OLFM3: variants seen among roughly 807,000 people sequenced by gnomAD.
OLFM3 encodes the protein olfactomedin 3.
A neutral mutation model predicts 48.6 loss-of-function variants in OLFM3; 20 were observed. The observed-to-expected ratio is 0.41, with a 90% CI of 0.29 to 0.60. OLFM3 has a LOEUF of 0.60. Ranked by LOEUF, OLFM3 falls within the 20% of genes least tolerant of loss-of-function variation. OLFM3 has a pLI of 0.28. For synonymous variants in OLFM3, 222 were observed against 198.1 expected (o/e 1.12, Z -1.01); for missense variants, 437 against 544.3 (o/e 0.80, Z 1.96).
intron 1 of OLFM3, among the ~76,000 whole-genome samples, chr1:101,991,040 T>TAC (rs1372850571): frequency 2.3e-4 from 26 of 114,604 alleles, no homozygotes; most frequent in African/African-American, 8.2e-4. Context: ...TATATATATA[T>TAC]ACTTCGTGGT....
intron 1 of OLFM3, among the ~76,000 whole-genome samples, chr1:101,984,432 C>G (rs1661180409): frequency 6.6e-6 from 1 of 152,092 alleles, no homozygotes; most frequent in African/African-American, 2.4e-5. Flanking sequence ...AAGCAGTGCT[C>G]TGTCGCCCAG....
chr1:101,830,912 A>G, intron 2 of OLFM3, 85 bp from the exon 3 acceptor site: 1 of 1,275,782 alleles, frequency 7.8e-7, no homozygotes, highest in Non-Finnish European at 1.1e-6. Context: ...TGCCGTTAAC[A>G]TAAAAACTAG....
At chr1:101,822,536 C>A (rs1654659543) in intron 4 of OLFM3, among the ~76,000 whole-genome samples, 1 of 152,048 alleles carries the variant, frequency 6.6e-6, no homozygotes, top group South Asian at 2.1e-4. Flanking sequence ...ACCTCCTCCT[C>A]AAAAGCAAGT....
chr1:101,913,544 A>G (rs759712706), intron 1 of OLFM3, among the ~76,000 whole-genome samples: 2 of 152,144 alleles, frequency 1.3e-5, no homozygotes, highest in Non-Finnish European at 2.9e-5. Context: ...GCCTACTTCC[A>G]CTTTAGAACT....
intron 1 of OLFM3, among the ~76,000 whole-genome samples, chr1:101,951,927 G>A (rs998884584): frequency 1.3e-5 from 2 of 152,060 alleles, no homozygotes; most frequent in African/African-American, 4.8e-5. Flanking sequence ...AAATGGAAAG[G>A]TGTTGATTGG....
chr1:101,837,289 C>A (rs895763929), intron 1 of OLFM3, among the ~76,000 whole-genome samples: 3 of 152,084 alleles, frequency 2.0e-5, no homozygotes, highest in Admixed American at 6.6e-5. Context: ...TACTATTTCC[C>A]AATGCTTTTT....
chr1:101,829,185 C>T (rs759317918), intron 3 of OLFM3, among the ~76,000 whole-genome samples: 1 of 152,134 alleles, frequency 6.6e-6, no homozygotes, highest in Non-Finnish European at 1.5e-5. Flanking sequence ...AAAATTAATT[C>T]TTTTGCTCTT....
chr1:101,989,545 C>T (rs1661340488), intron 1 of OLFM3, among the ~76,000 whole-genome samples: 2 of 109,524 alleles, frequency 1.8e-5, no homozygotes, highest in East Asian at 2.1e-4. Flanking sequence ...AATAGTTGTT[C>T]GTGAGTGGGG....
At chr1:101,904,431 C>T (rs1264314136) in intron 1 of OLFM3, among the ~76,000 whole-genome samples, 12 of 152,052 alleles carry the variant, frequency 7.9e-5, no homozygotes. Flanking sequence ...GAAGATGCAG[C>T]TGCTAGTGCT....
At chr1:101,982,534 A>T (rs536947358) in intron 1 of OLFM3, among the ~76,000 whole-genome samples, 1 of 152,162 alleles carries the variant, frequency 6.6e-6, no homozygotes, top group Non-Finnish European at 1.5e-5. Flanking sequence ...AACAACGAAT[A>T]TTTTGCATGC....
intron 1 of OLFM3, among the ~76,000 whole-genome samples, chr1:101,956,968 C>G (rs1300887845): frequency 6.6e-6 from 1 of 151,604 alleles, no homozygotes; most frequent in Non-Finnish European, 1.5e-5. Context: ...AATGTCCATC[C>G]TAGGATCTCT....
At chr1:101,883,342 TAC>T (rs948633950) in intron 1 of OLFM3, among the ~76,000 whole-genome samples, 224 of 149,890 alleles carry the variant, frequency 1.5e-3, no homozygotes, top group Non-Finnish European at 2.5e-3. Context: ...ACTCTATATA[TAC>T]ACACACACAC....
At chr1:101,827,331 T>G (rs535630557) in intron 3 of OLFM3, among the ~76,000 whole-genome samples, 19 of 152,058 alleles carry the variant, frequency 1.2e-4, no homozygotes, top group Non-Finnish European at 2.8e-4. Context: ...TTTTTTTTTT[T>G]TTGAGACGGA....
chr1:101,838,999 T>C (rs573863796), intron 1 of OLFM3, among the ~76,000 whole-genome samples: 10 of 152,340 alleles, frequency 6.6e-5, no homozygotes, highest in South Asian at 6.2e-4. Flanking sequence ...TAGGTGCCGA[T>C]AGGCCTTCCA....
intron 4 of OLFM3, among the ~76,000 whole-genome samples, chr1:101,820,440 A>G (rs1654556858): frequency 6.6e-6 from 1 of 152,114 alleles, no homozygotes; most frequent in Non-Finnish European, 1.5e-5. Flanking sequence ...TCACATCCAT[A>G]CAATTACATT....
At chr1:101,853,253 A>G (rs1656292232) in intron 1 of OLFM3, among the ~76,000 whole-genome samples, 1 of 152,008 alleles carries the variant, frequency 6.6e-6, no homozygotes, top group Admixed American at 6.6e-5. Flanking sequence ...ATGCAAGGCA[A>G]TCTTTCACCT....
chr1:101,897,642 A>G (rs1658250744), intron 1 of OLFM3, among the ~76,000 whole-genome samples: 1 of 152,194 alleles, frequency 6.6e-6, no homozygotes, highest in Admixed American at 6.5e-5. Context: ...ATTATGAAAC[A>G]TGGCACTAAA....
intron 1 of OLFM3, among the ~76,000 whole-genome samples, chr1:101,915,538 T>C (rs1018448644): frequency 1.3e-5 from 2 of 152,162 alleles, no homozygotes; most frequent in African/African-American, 4.8e-5. Context: ...TGATAATCAT[T>C]TGATACAGCT....
At chr1:101,948,843 ATG>A (rs1660036206) in intron 1 of OLFM3, among the ~76,000 whole-genome samples, 1 of 147,770 alleles carries the variant, frequency 6.8e-6, no homozygotes, top group Non-Finnish European at 1.5e-5. Flanking sequence ...ACATAATATT[ATG>A]TATTTTTATA....
Sources: allele counts gnomAD v4.1 joint callset (sites outside exome capture counted in the v4.1 genomes callset), GRCh38; gene constraint gnomAD v4.1.1; transcripts MANE v1.5; gene names NCBI Gene and HGNC (gene_info 2026-07-23, HGNC 2026-07-21).